Variants in PDK1 observed in about 807,000 individuals in gnomAD.
PDK1 encodes the protein [Pyruvate dehydrogenase (acetyl-transferring)] kinase isozyme 1, mitochondrial.
In PDK1, 39 loss-of-function variants were observed where a neutral mutation model predicts 54.2. That is an observed-to-expected ratio of 0.72 (90% confidence interval 0.56 to 0.94). PDK1 has a LOEUF of 0.94. Ranked by LOEUF, PDK1 falls within the 40% of genes least tolerant of loss-of-function variation. The pLI is 0.00. For synonymous variants in PDK1, 221 were observed against 207.1 expected (o/e 1.07, Z -0.58); for missense variants, 552 against 566.0 (o/e 0.98, Z 0.25).
rs1184162406 is a variant in PDK1 at position 172,600,737 on chromosome 2, G to T, written c.*4768G>T. On this transcript the variant is annotated 3_prime_UTR_variant, in exon 11 of 11. Coordinates refer to ENST00000282077, the MANE Select transcript of PDK1 (RefSeq NM_002610.5). ...ATATCTTATCCTCCTAGGGTCCGAG[G>T]ACGCTTTAGTTGGGACCAGGTGTGC... 2 of 152,274 alleles carry T rather than the reference G, an allele frequency of 1.3e-5. No homozygotes were observed. The highest frequency in any genetic ancestry group is 4.8e-5 in the African/African-American group (2 of 41,436). The allele number at this position is 152,274 out of a possible 1,614,324, so 9.4% of individuals were successfully genotyped here. A position where few individuals can be genotyped will look rare whatever the true frequency, so the allele number is the denominator to read the frequency against.
At chr2:172,566,131 T>C (rs1688926433) in intron 5 of PDK1, among the ~76,000 whole-genome samples, 1 of 152,258 alleles carries the variant, frequency 6.6e-6, no homozygotes, top group Admixed American at 6.5e-5. Flanking sequence ...ATAGCAATTA[T>C]TTTCTCCAGC....
At chr2:172,637,785 G>A in the PDK1 span, among the ~76,000 whole-genome samples, 21 of 152,038 alleles carry the variant, frequency 1.4e-4, no homozygotes, top group South Asian at 3.5e-3. Flanking sequence ...AACCTCCACC[G>A]CCCAGGTTCA....
the PDK1 span, among the ~76,000 whole-genome samples, chr2:172,630,462 G>A: frequency 3.3e-5 from 5 of 152,172 alleles, no homozygotes; most frequent in East Asian, 9.6e-4. Flanking sequence ...AGTGTGGATA[G>A]TGACTACCAT....
intron 6 of PDK1, among the ~76,000 whole-genome samples, chr2:172,567,232 AT>A (rs1340319573): frequency 1.3e-5 from 2 of 152,310 alleles, no homozygotes; most frequent in Admixed American, 1.3e-4. Flanking sequence ...AGAAAGTTAC[AT>A]TTGACTTTTA....
chr2:172,656,837 C>T, the PDK1 span, among the ~76,000 whole-genome samples: 1 of 151,590 alleles, frequency 6.6e-6, no homozygotes, highest in Admixed American at 6.6e-5. Context: ...AAAAGTAATT[C>T]CCCCACCCAC....
intron 9 of PDK1, among the ~76,000 whole-genome samples, chr2:172,588,062 A>C (rs73980439): frequency 4.7e-4 from 71 of 152,326 alleles, no homozygotes; most frequent in African/African-American, 1.5e-3. Context: ...TGCATAGCAC[A>C]AATGCTATGG....
chr2:172,660,241 C>CTT, the PDK1 span, among the ~76,000 whole-genome samples: 1 of 46,098 alleles, frequency 2.2e-5, no homozygotes, highest in African/African-American at 7.4e-5. Flanking sequence ...TTCTCTCTCT[C>CTT]TCTCTCTTTT....
At chr2:172,714,769 A>G in the PDK1 span, among the ~76,000 whole-genome samples, 2 of 152,168 alleles carry the variant, frequency 1.3e-5, no homozygotes, top group Non-Finnish European at 2.9e-5. Flanking sequence ...AATTGACAGC[A>G]AAAAGCAATT....
At chr2:172,585,482 C>G (rs908154348) in intron 8 of PDK1, among the ~76,000 whole-genome samples, 5 of 151,866 alleles carry the variant, frequency 3.3e-5, no homozygotes, top group Non-Finnish European at 7.4e-5. Context: ...TGTGCCACCA[C>G]ACCTGGCTAA....
At chr2:172,639,050 G>C in the PDK1 span, among the ~76,000 whole-genome samples, 1 of 152,250 alleles carries the variant, frequency 6.6e-6, no homozygotes, top group Admixed American at 6.5e-5. Flanking sequence ...TTTTAAAATA[G>C]AGACAAGGTC....
At chr2:172,663,277 G>A in the PDK1 span, among the ~76,000 whole-genome samples, 3 of 152,090 alleles carry the variant, frequency 2.0e-5, no homozygotes, top group African/African-American at 4.8e-5. Flanking sequence ...ATTGGATTAA[G>A]GCCCATCCTA....
At chr2:172,568,929 T>C in intron 7 of PDK1, 112 bp downstream of exon 7, 1 of 684,160 alleles carries the variant, frequency 1.5e-6, no homozygotes, top group Non-Finnish European at 2.7e-6. Context: ...CCATTTCACA[T>C]CAGTATCATA....
chr2:172,683,643 G>T, the PDK1 span, among the ~76,000 whole-genome samples: 1 of 152,340 alleles, frequency 6.6e-6, no homozygotes, highest in Non-Finnish European at 1.5e-5. Context: ...TTAATTTGGA[G>T]TGAGTAATGC....
At chr2:172,715,783 A>G in the PDK1 span, among the ~76,000 whole-genome samples, 117 of 152,334 alleles carry the variant, frequency 7.7e-4, no homozygotes, top group African/African-American at 2.8e-3. Context: ...AAGAATCAAA[A>G]TGTAATGGAA....
chr2:172,639,298 C>A, the PDK1 span, among the ~76,000 whole-genome samples: 1 of 152,208 alleles, frequency 6.6e-6, no homozygotes, highest in Non-Finnish European at 1.5e-5. Context: ...TACACAGTTA[C>A]AAGAATTCAG....
the PDK1 span, among the ~76,000 whole-genome samples, chr2:172,704,013 A>T: frequency 2.6e-5 from 4 of 151,744 alleles, no homozygotes; most frequent in Admixed American, 2.0e-4. Flanking sequence ...ACCTCAAGTG[A>T]TCCACCCGCC....
the PDK1 span, among the ~76,000 whole-genome samples, chr2:172,622,705 T>C: frequency 3.4e-5 from 4 of 118,268 alleles, no homozygotes; most frequent in East Asian, 8.3e-4. Context: ...TTATATCTCA[T>C]ATATTATGTG....
At chr2:172,581,490 T>C (rs1001629134) in intron 8 of PDK1, among the ~76,000 whole-genome samples, 1 of 152,218 alleles carries the variant, frequency 6.6e-6, no homozygotes, top group Admixed American at 6.5e-5. Flanking sequence ...TTAATTATAT[T>C]TGAATAAAGC....
chr2:172,654,755 A>T, the PDK1 span, among the ~76,000 whole-genome samples: 30 of 152,322 alleles, frequency 2.0e-4, no homozygotes, highest in Middle Eastern at 3.4e-3. Flanking sequence ...AACTTAAAGT[A>T]TAATAATAAA....
Sources: gnomAD v4.1 joint callset for allele counts (sites outside exome capture counted in the v4.1 genomes callset) on GRCh38, gnomAD v4.1.1 for gene constraint, MANE v1.5 for transcripts, NCBI Gene and HGNC (gene_info 2026-07-23, HGNC 2026-07-21) for gene names.